KIF1A: variants seen among roughly 807,000 people sequenced by gnomAD.
The protein encoded by KIF1A is kinesin family member 1A, also known as kinesin-like protein KIF1A.
KIF1A carries 46 observed loss-of-function variants against 227.3 expected under a neutral mutation model. That is an observed-to-expected ratio of 0.20 (90% confidence interval 0.16 to 0.26). The LOEUF is 0.26. KIF1A is among the 10% of genes least tolerant of loss of function. The probability of loss-of-function intolerance (pLI) is 1.00; values close to 1 mark genes in which losing one functional copy is unlikely to be tolerated. For synonymous variants in KIF1A, 1,022 were observed against 1,012.8 expected (o/e 1.01, Z -0.17); for missense variants, 1,683 against 2,485.9 (o/e 0.68, Z 6.87).
Position 240,782,646 on chromosome 2 carries a change from C to A in KIF1A, c.865-39G>T, listed in dbSNP as rs537266635. ...GACAGAGAGAGGCTGAGGCCCGGAG[C>A]GAAGCTGGCGCGGGCTGTGGGGGCG... is the stretch of plus-strand genomic sequence containing the variant. On this transcript the variant is annotated intron_variant, in intron 9 of 48. Transcript: ENST00000498729. 3.9e-6 allele frequency: 6 copies of A among 1,549,946 alleles called. No individual in the cohort carries two copies. In the East Asian group the frequency reaches 1.2e-4, roughly 31 times the overall value.
rs182002712 is a variant in KIF1A, at chr2:240,736,155, G to A, written c.4007+908C>T. 1.4e-4 allele frequency among the ~76,000 whole-genome samples: 21 copies of A among 152,220 alleles called. No homozygotes were observed. The highest frequency in any genetic ancestry group is 7.7e-4 in the East Asian group (4 of 5,164). On this transcript the variant is annotated intron_variant, in intron 38 of 48. Coordinates refer to ENST00000498729, the MANE Select transcript of KIF1A (RefSeq NM_001244008.2). The surrounding 1 kb of genome is among the most constrained non-coding windows in gnomAD (Gnocchi z 4.7). ...GTCAGAAGAATAGGAGACGACGCCC[G>A]CCAGGACCCTCCTTCCTTATGACCC...
chr2:240,753,531 A>T (rs901866616), intron 27 of KIF1A, among the ~76,000 whole-genome samples: 2 of 152,108 alleles, frequency 1.3e-5, no homozygotes, highest in African/African-American at 4.8e-5. Context: ...GCCCCTCGCA[A>T]CCCCAGGCTC....
chr2:240,719,333 C>G (rs115289396), intron 46 of KIF1A, 135 bp from the exon 47 acceptor site: 1 of 980,036 alleles, frequency 1.0e-6, no homozygotes, highest in Non-Finnish European at 1.5e-6. Context: ...GTCGAGGCAT[C>G]GAAGGGCACC....
chr2:240,802,190 G>GA (rs1176476963), intron 1 of KIF1A, among the ~76,000 whole-genome samples: 1 of 150,788 alleles, frequency 6.6e-6, no homozygotes, highest in African/African-American at 2.4e-5. Context: ...CAAAAGACAA[G>GA]ACTGCAAGAT....
At position 240,787,956 on chromosome 2, in the gene KIF1A, G is replaced by T. The variant is rs984962533; in HGVS notation, c.363+95C>A. ...CCCCTCCTGACTCCCTGCTCTCTGGGGGCTGCTCTCAGGGGTGCCTGGCCC... is the reference window on the plus strand; with the variant it reads ...CCCCTCCTGACTCCCTGCTCTCTGGTGGCTGCTCTCAGGGGTGCCTGGCCC... On this transcript the variant is annotated intron_variant, in intron 4 of 48. Transcript: ENST00000498729. 1.8e-5 allele frequency: 22 copies of T among 1,211,558 alleles called. No homozygotes were observed. In the Admixed American group the frequency reaches 4.7e-4, roughly 26 times the overall value. The allele number at this position is 1,211,558 out of a possible 1,614,324, so 75.1% of individuals were successfully genotyped here.
At chr2:240,719,525 CT>C (rs1188460246) in intron 46 of KIF1A, among the ~76,000 whole-genome samples, 1 of 152,256 alleles carries the variant, frequency 6.6e-6, no homozygotes, top group Non-Finnish European at 1.5e-5. Context: ...ACCCACTCCC[CT>C]GTGCTCTGTG....
At chr2:240,785,956 C>T (rs930895003) in intron 6 of KIF1A, among the ~76,000 whole-genome samples, 2 of 152,176 alleles carry the variant, frequency 1.3e-5, no homozygotes, top group Non-Finnish European at 1.5e-5. Flanking sequence ...GCACTGCAGC[C>T]GACCCTCCCC....
intron 7 of KIF1A, among the ~76,000 whole-genome samples, chr2:240,784,259 C>A (rs57950978): frequency 0.025 from 3,867 of 152,240 alleles, 170 homozygotes; most frequent in African/African-American, 0.087. Flanking sequence ...TGGGCACCGG[C>A]CAGGCTCCCA....
intron 2 of KIF1A, among the ~76,000 whole-genome samples, chr2:240,794,555 G>A (rs1041695956): frequency 4.6e-5 from 7 of 152,228 alleles, no homozygotes; most frequent in African/African-American, 1.2e-4. Flanking sequence ...GTCCGCTGCC[G>A]GGATAGACTT....
At position 240,752,019 on chromosome 2, in the gene KIF1A, C is replaced by T; in HGVS notation, c.2859-1472G>A. Among the ~76,000 whole-genome samples the T allele has an allele frequency of 6.6e-6, 1 of 152,114 alleles. No individual in the cohort carries two copies. The highest frequency in any genetic ancestry group is 1.5e-5 in the Non-Finnish European group (1 of 68,014). On this transcript the variant is annotated intron_variant, in intron 27 of 48. Coordinates refer to ENST00000498729, the MANE Select transcript of KIF1A (RefSeq NM_001244008.2). The surrounding 1 kb of genome is among the most constrained non-coding windows in gnomAD (Gnocchi z 6.4). ...AGCTGAGACCTCACCAACGCCCTCA[C>T]TGCAAAATGGCCCAGGCTCGCAACA...
chr2:240,746,169 G>A lies in KIF1A; in HGVS notation c.3072C>T (p.Ser1024=), dbSNP rs73102625. Residue 1024 remains serine, a synonymous_variant, in exon 30 of 49, where the codon TCC becomes TCT. Coordinates refer to ENST00000498729, the MANE Select transcript of KIF1A (RefSeq NM_001244008.2). ...ACATCCCCACCACGGGGCAAGACTC[G>A]GACTGGAACTGATCAGAGGGGGACC... ...FDDQHFEKFQ[S]ESCPVVGMSR... is the part of the protein sequence containing the mutation. 0.056 allele frequency: 87,914 copies of A among 1,562,738 alleles called. 2,587 individuals carry two copies. The highest frequency in any genetic ancestry group is 0.075 in the African/African-American group (5,527 of 73,710).
chr2:240,784,859 G>T, intron 7 of KIF1A, 130 bp downstream of exon 7: 1 of 738,738 alleles, frequency 1.4e-6, no homozygotes, highest in South Asian at 1.6e-5. Context: ...TAAGTGTGAG[G>T]ACACTACCCG....
chr2:240,785,192 G>C (rs750003453), intron 6 of KIF1A, 92 bp from the exon 7 acceptor site: 3 of 1,047,892 alleles, frequency 2.9e-6, no homozygotes, highest in Admixed American at 3.7e-5. Context: ...CAGGTCATCG[G>C]GGGGGGCAGT....
chr2:240,769,565 C>T lies in KIF1A; in HGVS notation c.1421+62G>A, dbSNP rs909904677. ...AGGGCAGGGCTCAGTGCTCATCCTGCCCAGGCTCCGGGCTTGCTGGCTGCA... is the reference window on the plus strand; with the variant it reads ...AGGGCAGGGCTCAGTGCTCATCCTGTCCAGGCTCCGGGCTTGCTGGCTGCA... On this transcript the variant is annotated intron_variant, in intron 16 of 48. Transcript: ENST00000498729. 4 of 1,420,508 alleles carry T rather than the reference C, an allele frequency of 2.8e-6. No homozygotes were observed. The Admixed American group carries it at 5.2e-5, about 19-fold the overall frequency. The allele number at this position is 1,420,508 out of a possible 1,614,324, so 88.0% of individuals were successfully genotyped here.
intron 34 of KIF1A, 131 bp from the exon 35 acceptor site, chr2:240,741,508 G>A: frequency 1.5e-6 from 1 of 666,364 alleles, no homozygotes; most frequent in Middle Eastern, 3.3e-4. Flanking sequence ...CTCCTCAAGG[G>A]AAACAACCAG....
rs536661708 is a variant in KIF1A at position 240,789,171 on chromosome 2, C to A, written c.183+65G>T. On this transcript the variant is annotated intron_variant, in intron 3 of 48. Coordinates refer to ENST00000498729, the MANE Select transcript of KIF1A (RefSeq NM_001244008.2). The surrounding 1 kb of genome is among the most constrained non-coding windows in gnomAD (Gnocchi z 4.8). Reference sequence around the variant, plus strand: ...TGAGCGGCTCAGAGAAGTTGAGGGACCCCGAGGGCCACATGGCCTATGCAC... The same window carrying A: ...TGAGCGGCTCAGAGAAGTTGAGGGAACCCGAGGGCCACATGGCCTATGCAC... 74 of 1,320,048 alleles carry A rather than the reference C, an allele frequency of 5.6e-5. No individual in the cohort carries two copies. Among genetic ancestry groups the A allele is most frequent in the Non-Finnish European group, 8.0e-5 (73 of 915,710 alleles). The allele number at this position is 1,320,048 out of a possible 1,614,324, so 81.8% of individuals were successfully genotyped here.
intron 16 of KIF1A, 37 bp downstream of exon 16, chr2:240,769,590 A>G (rs367607728): frequency 1.3e-5 from 20 of 1,572,984 alleles, no homozygotes; most frequent in Non-Finnish European, 1.7e-5. Context: ...TGCTGGCTGC[A>G]CCCCTCCCCC....
At chr2:240,763,395 C>G (rs749435585) in intron 20 of KIF1A, 49 bp from the exon 21 acceptor site, 1 of 1,507,900 alleles carries the variant, frequency 6.6e-7, no homozygotes, top group African/African-American at 1.4e-5. Flanking sequence ...ATCTTCAGGT[C>G]CCTGATGGTC....
chr2:240,777,231 A>G (rs926607668), intron 10 of KIF1A, among the ~76,000 whole-genome samples: 4 of 152,052 alleles, frequency 2.6e-5, no homozygotes, highest in Admixed American at 2.6e-4. Flanking sequence ...TTTAAAGTAG[A>G]GACAGGGTTT....
Sources: allele counts gnomAD v4.1 joint callset (sites outside exome capture counted in the v4.1 genomes callset), GRCh38; gene constraint gnomAD v4.1.1; non-coding constraint Gnocchi (gnomAD v3.1); transcripts MANE v1.5; gene names NCBI Gene and HGNC (gene_info 2026-07-23, HGNC 2026-07-21).